The following CHP1 variants were observed in gnomAD, a reference collection of about 807,000 sequenced individuals.
The protein encoded by CHP1 is calcineurin B homologous protein 1.
In CHP1, 11 loss-of-function variants were observed where a neutral mutation model predicts 27.4. The observed-to-expected ratio is 0.40, with a 90% CI of 0.25 to 0.67. The LOEUF (loss-of-function observed/expected upper bound fraction) is 0.67, where lower values mean the gene tolerates loss of function less well. Among genes scored for constraint, CHP1 ranks in the 30% least tolerant of loss-of-function variants. The pLI is 0.38. For missense variants in CHP1, 169 were observed against 251.3 expected, an observed-to-expected ratio of 0.67 and a Z score of 2.22; for synonymous variants, 89 against 87.4, an observed-to-expected ratio of 1.02 and a Z score of -0.10.
chr15:41,260,545 C>T (rs556410153), intron 3 of CHP1, among the ~76,000 whole-genome samples: 3 of 151,986 alleles, frequency 2.0e-5, no homozygotes, highest in Admixed American at 1.3e-4. Flanking sequence ...CAGGCATGCA[C>T]CACCAGGCCC....
intron 4 of CHP1, among the ~76,000 whole-genome samples, chr15:41,264,561 C>T (rs946036186): frequency 1.3e-5 from 2 of 152,188 alleles, no homozygotes; most frequent in African/African-American, 4.8e-5. Flanking sequence ...GCCTCAGCCT[C>T]TCAAGTTGCT....
chr15:41,270,989 C>T (rs533977034), intron 5 of CHP1, among the ~76,000 whole-genome samples: 50 of 152,270 alleles, frequency 3.3e-4, no homozygotes, highest in African/African-American at 1.2e-3. Flanking sequence ...GGCGCTTTGG[C>T]TCACACCTGT....
At chr15:41,272,700 C>T (rs781199775) in intron 5 of CHP1, among the ~76,000 whole-genome samples, 2 of 152,026 alleles carry the variant, frequency 1.3e-5, no homozygotes, top group Non-Finnish European at 2.9e-5. Flanking sequence ...GGATTACAGG[C>T]GTGAGCCACC....
At chr15:41,278,507 A>G (rs2047530588) in intron 5 of CHP1, among the ~76,000 whole-genome samples, 1 of 151,136 alleles carries the variant, frequency 6.6e-6, no homozygotes, top group African/African-American at 2.4e-5. Flanking sequence ...CTCACCTCCT[A>G]CTCCACCCTC....
chr15:41,254,118 T>C (rs760031257), intron 2 of CHP1, among the ~76,000 whole-genome samples: 1 of 152,244 alleles, frequency 6.6e-6, no homozygotes, highest in Admixed American at 6.5e-5. Flanking sequence ...TTTAATACTT[T>C]TAGCAATACT....
At position 41,238,369 on chromosome 15, in the gene CHP1, C is replaced by CA. The variant is rs145245223; in HGVS notation, c.68-5297dup. The stretch of plus-strand genomic sequence containing the variant: ...AGAGATGAAGTCTTGCTTTGTTGCC[C>CA]AGGCTAGTTTTGAACTGGCCTTTCG... On this transcript the variant is annotated intron_variant, in intron 1 of 6. Coordinates refer to ENST00000334660, the MANE Select transcript of CHP1 (RefSeq NM_007236.5). Among the ~76,000 whole-genome samples the CA allele has an allele frequency of 1.3e-3, 202 of 152,108 alleles. 1 individual carries two copies. The highest frequency in any genetic ancestry group is 4.8e-3 in the African/African-American group (198 of 41,518).
chr15:41,234,546 C>CA, intron 1 of CHP1, among the ~76,000 whole-genome samples: 1 of 152,150 alleles, frequency 6.6e-6, no homozygotes, highest in African/African-American at 2.4e-5. Context: ...ATATTTTTTG[C>CA]AAATTTAAAA....
At position 41,255,121 on chromosome 15, in the gene CHP1, A is replaced by G. The variant is rs531467533; in HGVS notation, c.141-1789A>G. On this transcript the variant is annotated intron_variant, in intron 2 of 6. Transcript: ENST00000334660. Reference sequence around the variant, plus strand: ...AAACAGTACCATTATGTAATATTCCATATTTTATATGGTCCATGCTTCATT... The same window carrying G: ...AAACAGTACCATTATGTAATATTCCGTATTTTATATGGTCCATGCTTCATT... Among the ~76,000 whole-genome samples, 545 of 152,298 alleles carry G rather than the reference A, an allele frequency of 3.6e-3. 1 individual carries two copies. The highest frequency in any genetic ancestry group is 0.01 in the African/African-American group (436 of 41,558).
At chr15:41,273,587 G>C (rs2047502406) in intron 5 of CHP1, among the ~76,000 whole-genome samples, 1 of 151,812 alleles carries the variant, frequency 6.6e-6, no homozygotes. Context: ...CACCATGTTG[G>C]TCAGGGTGGT....
chr15:41,244,056 A>G (rs1214719758), intron 2 of CHP1, among the ~76,000 whole-genome samples: 1 of 151,816 alleles, frequency 6.6e-6, no homozygotes, highest in African/African-American at 2.4e-5. Context: ...AAATTAGCTC[A>G]GTGTGGTGGT....
Position 41,273,869 on chromosome 15 carries a change from A to G in CHP1, c.411+3251A>G, listed in dbSNP as rs577659107. ...AGTAGGAGAATCGCTTGAAACCAGG[A>G]GGAGGAGGTTGCAGTGAGCTGAGAT... On this transcript the variant is annotated intron_variant, in intron 5 of 6. Transcript: ENST00000334660. 1.9e-3 allele frequency among the ~76,000 whole-genome samples: 282 copies of G among 151,646 alleles called. 1 individual carries two copies. The highest frequency in any genetic ancestry group is 6.7e-3 in the African/African-American group (276 of 41,442).
chr15:41,244,348 C>T (rs1339824612), intron 2 of CHP1, among the ~76,000 whole-genome samples: 1 of 152,082 alleles, frequency 6.6e-6, no homozygotes, highest in Non-Finnish European at 1.5e-5. Context: ...TACATTTTCC[C>T]ATAATCCTTT....
intron 2 of CHP1, among the ~76,000 whole-genome samples, chr15:41,248,864 A>G (rs547293745): frequency 6.6e-6 from 1 of 152,292 alleles, no homozygotes; most frequent in South Asian, 2.1e-4. Context: ...TTTTATGTAA[A>G]TCGTTTTGTC....
chr15:41,246,033 G>C (rs2047332780), intron 2 of CHP1, among the ~76,000 whole-genome samples: 1 of 152,066 alleles, frequency 6.6e-6, no homozygotes, highest in Admixed American at 6.6e-5. Context: ...TGGATATCCA[G>C]TTGTACCAGC....
At position 41,250,500 on chromosome 15, in the gene CHP1, G is replaced by A. The variant is rs183487388; in HGVS notation, c.141-6410G>A. Among the ~76,000 whole-genome samples, 597 of 152,168 alleles carry A rather than the reference G, an allele frequency of 3.9e-3. 2 individuals carry two copies. The highest frequency in any genetic ancestry group is 6.2e-3 in the Non-Finnish European group (421 of 67,998). ...GGGAATCGCTTGAACCCGGGAGGCG[G>A]AGGTTGCAGTGAGCCAAGATCATGC... On this transcript the variant is annotated intron_variant, in intron 2 of 6. Coordinates refer to ENST00000334660, the MANE Select transcript of CHP1 (RefSeq NM_007236.5).
chr15:41,240,721 C>G (rs1356397394), intron 1 of CHP1, among the ~76,000 whole-genome samples: 1 of 147,330 alleles, frequency 6.8e-6, no homozygotes, highest in Non-Finnish European at 1.5e-5. Context: ...CCATTGCGCT[C>G]CAGCCTGGGC....
At chr15:41,260,382 G>A (rs1351331837) in intron 3 of CHP1, among the ~76,000 whole-genome samples, 1 of 147,028 alleles carries the variant, frequency 6.8e-6, no homozygotes, top group South Asian at 2.2e-4. Context: ...ATACACAAGA[G>A]GTCTTTCAAA....
intron 5 of CHP1, among the ~76,000 whole-genome samples, chr15:41,276,967 C>T (rs1192397832): frequency 1.3e-5 from 2 of 152,134 alleles, no homozygotes; most frequent in Non-Finnish European, 2.9e-5. Flanking sequence ...GCTGCAGTGC[C>T]ACCAGACAGA....
At chr15:41,256,199 G>A (rs1023730257) in intron 2 of CHP1, among the ~76,000 whole-genome samples, 7 of 152,132 alleles carry the variant, frequency 4.6e-5, no homozygotes, top group African/African-American at 1.4e-4. Flanking sequence ...AAACATTGGC[G>A]TGAAGAAATG....
Sources: allele counts gnomAD v4.1 joint callset (sites outside exome capture counted in the v4.1 genomes callset), GRCh38; gene constraint gnomAD v4.1.1; transcripts MANE v1.5; gene names NCBI Gene and HGNC (gene_info 2026-07-23, HGNC 2026-07-21).